SGCG: variants seen among roughly 807,000 people sequenced by gnomAD.
SGCG encodes sarcoglycan gamma, also known as gamma-sarcoglycan.
A neutral mutation model predicts 29.3 loss-of-function variants in SGCG; 26 were observed. That is an observed-to-expected ratio of 0.89 (90% CI 0.65 to 1.23). The LOEUF is 1.23. SGCG is among the 50% of genes most tolerant of loss of function. The pLI is 0.00. For synonymous variants in SGCG, 145 were observed against 129.7 expected, an observed-to-expected ratio of 1.12 and a Z score of -0.80; for missense variants, 353 against 356.0, an observed-to-expected ratio of 0.99 and a Z score of 0.07.
At chr13:23,171,424 T>C in the SGCG span, among the ~76,000 whole-genome samples, 1 of 152,182 alleles carries the variant, frequency 6.6e-6, no homozygotes, top group Non-Finnish European at 1.5e-5. Context: ...AAGCCTGAGA[T>C]TTTTGTTATC....
At chr13:23,223,376 A>G (rs1034472704) in intron 2 of SGCG, among the ~76,000 whole-genome samples, 3 of 152,060 alleles carry the variant, frequency 2.0e-5, no homozygotes, top group African/African-American at 7.2e-5. Flanking sequence ...ATTCAGACTA[A>G]TAATGACTAA....
intron 4 of SGCG, among the ~76,000 whole-genome samples, chr13:23,274,395 C>CTTTTTTTTTTTTTTTTTT (rs869153381): frequency 1.2e-5 from 1 of 85,250 alleles, no homozygotes; most frequent in Non-Finnish European, 2.2e-5. Context: ...CTTTCTTTCT[C>CTTTTTTTTTTTTTTTTTT]TTTTTTTTTT....
intron 5 of SGCG, among the ~76,000 whole-genome samples, chr13:23,285,928 G>A (rs149324044): frequency 0.015 from 2,297 of 152,188 alleles, 55 homozygotes; most frequent in African/African-American, 0.052. Flanking sequence ...CTCACCCTCC[G>A]TGGGCTGCAC....
At chr13:23,305,598 T>C (rs2137500025) in intron 6 of SGCG, among the ~76,000 whole-genome samples, 1 of 152,354 alleles carries the variant, frequency 6.6e-6, no homozygotes. Context: ...CACTGCCTTT[T>C]TCCAGTCAAA....
intron 2 of SGCG, among the ~76,000 whole-genome samples, chr13:23,213,868 G>A (rs1363967979): frequency 1.3e-5 from 2 of 152,108 alleles, no homozygotes; most frequent in Non-Finnish European, 2.9e-5. Flanking sequence ...GCTCAGCCTA[G>A]GGGTGGTTTT....
chr13:23,222,540 TC>T (rs750078528), intron 2 of SGCG, among the ~76,000 whole-genome samples: 1 of 152,198 alleles, frequency 6.6e-6, no homozygotes, highest in East Asian at 1.9e-4. Context: ...GAAGAGCATT[TC>T]TTGGCCAGGC....
At chr13:23,182,799 G>T (rs1416663599) in intron 1 of SGCG, among the ~76,000 whole-genome samples, 1 of 152,162 alleles carries the variant, frequency 6.6e-6, no homozygotes, top group African/African-American at 2.4e-5. Context: ...AGGGCTTGCT[G>T]TGCCCAAAGG....
At chr13:23,211,785 G>A (rs1308660206) in intron 2 of SGCG, among the ~76,000 whole-genome samples, 1 of 152,130 alleles carries the variant, frequency 6.6e-6, no homozygotes, top group Non-Finnish European at 1.5e-5. Flanking sequence ...TCTTGCTTCA[G>A]TGTTTTGGTA....
intron 3 of SGCG, among the ~76,000 whole-genome samples, chr13:23,243,222 AGGGG>A: frequency 6.6e-6 from 1 of 152,164 alleles, no homozygotes; most frequent in South Asian, 2.1e-4. Context: ...AGGAAGCTGG[AGGGG>A]GCAGCTGCAG....
upstream of SGCG, among the ~76,000 whole-genome samples, chr13:23,180,171 T>A (rs768875452): frequency 1.3e-4 from 20 of 152,194 alleles, no homozygotes; most frequent in African/African-American, 2.4e-5. Context: ...TTAATCCTGC[T>A]GCAAACCAGG....
At chr13:23,169,509 T>A in the SGCG span, among the ~76,000 whole-genome samples, 1 of 151,806 alleles carries the variant, frequency 6.6e-6, no homozygotes, top group African/African-American at 2.4e-5. Flanking sequence ...TGAAACCCCG[T>A]CTCTACTAAA....
At chr13:23,320,607 TTTTTTTTG>T (rs1566047803) in intron 6 of SGCG, 22 bp from the exon 7 acceptor site, 3 of 1,476,252 alleles carry the variant, frequency 2.0e-6, no homozygotes, top group Non-Finnish European at 2.7e-6. Flanking sequence ...CTTTTTTTTT[TTTTTTTTG>T]TGCTTCTTTT....
At position 23,320,609 on chromosome 13, in the gene SGCG, T is replaced by TG. The variant is rs780509459; in HGVS notation, c.579-28_579-27insG. On this transcript the variant is annotated intron_variant, in intron 6 of 7. Coordinates refer to ENST00000218867, the MANE Select transcript of SGCG (RefSeq NM_000231.3). ...GCTATTTTTAATACTTTTTTTTTTTTTTTTTGTGCTTCTTTTCCTCATCTC... is the reference window on the plus strand; with the variant it reads ...GCTATTTTTAATACTTTTTTTTTTTTGTTTTTGTGCTTCTTTTCCTCATCTC... The TG allele has an allele frequency of 1.5e-5, 22 of 1,481,076 alleles. No individual in the cohort carries two copies. The African/African-American group carries it at 2.7e-4, about 18-fold the overall frequency. The allele number at this position is 1,481,076 out of a possible 1,614,324, so 91.7% of individuals were successfully genotyped here.
Position 23,276,450 on chromosome 13 carries a change from T to TTTTTTTTG in SGCG, c.386-2909_386-2908insTTTTTTTG, listed in dbSNP as rs398021911. 1.4e-5 allele frequency among the ~76,000 whole-genome samples: 2 copies of TTTTTTTTG among 147,432 alleles called. 1 individual carries two copies. Among genetic ancestry groups the TTTTTTTTG allele is most frequent in the East Asian group, 4.0e-4 (2 of 5,062 alleles). ...AGTTTTCTTTTTTTTTTTTTTTTTTTGAGACAGAGTCTCGCTCTGTTGCCC... is the reference window on the plus strand; with the variant it reads ...AGTTTTCTTTTTTTTTTTTTTTTTTTTTTTTTTGGAGACAGAGTCTCGCTCTGTTGCCC... On this transcript the variant is annotated intron_variant, in intron 4 of 7. Transcript: ENST00000218867.
intron 6 of SGCG, among the ~76,000 whole-genome samples, chr13:23,317,157 T>G (rs916644261): frequency 6.6e-6 from 1 of 151,652 alleles, no homozygotes; most frequent in African/African-American, 2.4e-5. Flanking sequence ...ACCACACCAC[T>G]GCACTGCAGC....
intron 5 of SGCG, among the ~76,000 whole-genome samples, chr13:23,294,813 G>A (rs562155760): frequency 1.3e-5 from 2 of 152,262 alleles, no homozygotes; most frequent in South Asian, 4.1e-4. Flanking sequence ...GCAGGGGTCT[G>A]AGTATTAAAC....
At chr13:23,279,237 T>C (rs997710067) in intron 4 of SGCG, 122 bp from the exon 5 acceptor site, 11 of 881,658 alleles carry the variant, frequency 1.2e-5, no homozygotes, top group African/African-American at 1.7e-5. Context: ...ATACCACTAA[T>C]GGTAACAAAT....
chr13:23,192,697 G>A (rs1342634365), intron 1 of SGCG, among the ~76,000 whole-genome samples: 1 of 152,166 alleles, frequency 6.6e-6, no homozygotes. Flanking sequence ...CGCCCGGCTG[G>A]TAGGGTCTTT....
intron 4 of SGCG, among the ~76,000 whole-genome samples, chr13:23,251,073 G>T (rs1360833718): frequency 1.3e-5 from 2 of 152,132 alleles, no homozygotes; most frequent in Non-Finnish European, 2.9e-5. Context: ...TGAGAGCCAC[G>T]AATACATTCA....
Sources: allele counts gnomAD v4.1 joint callset (sites outside exome capture counted in the v4.1 genomes callset), GRCh38; gene constraint gnomAD v4.1.1; transcripts MANE v1.5; gene names NCBI Gene and HGNC (gene_info 2026-07-23, HGNC 2026-07-21).